The following AADAT variants were observed in gnomAD, a reference collection of about 807,000 sequenced individuals.
AADAT encodes kynurenine/alpha-aminoadipate aminotransferase, mitochondrial.
Under a neutral mutation model 56.2 loss-of-function variants are expected in AADAT, and 25 were observed. That is an observed-to-expected ratio of 0.44 (90% confidence interval 0.32 to 0.62). AADAT has a LOEUF of 0.62. Ranked by LOEUF, AADAT falls within the 20% of genes least tolerant of loss-of-function variation. The probability of loss-of-function intolerance (pLI) is 0.04; values close to 1 mark genes in which losing one functional copy is unlikely to be tolerated. For missense variants in AADAT, 387 were observed against 510.5 expected (o/e 0.76, Z 2.33); for synonymous variants, 173 against 164.7 (o/e 1.05, Z -0.39).
intron 4 of AADAT, among the ~76,000 whole-genome samples, chr4:170,078,170 T>G (rs1004168700): frequency 2.6e-5 from 4 of 152,170 alleles, no homozygotes; most frequent in African/African-American, 9.6e-5. Context: ...GGTAATAAGA[T>G]AGTAATAAAA....
intron 4 of AADAT, 152 bp downstream of exon 4, chr4:170,078,357 T>C (rs1732134933): frequency 4.3e-6 from 2 of 460,814 alleles, no homozygotes; most frequent in Non-Finnish European, 7.5e-6. Flanking sequence ...TGCTTATGGA[T>C]AAAATATGCT....
intron 3 of AADAT, among the ~76,000 whole-genome samples, chr4:170,083,133 T>C (rs767875680): frequency 2.6e-5 from 4 of 151,416 alleles, no homozygotes; most frequent in Non-Finnish European, 5.9e-5. Context: ...GAACAGACCA[T>C]ACCTTAGGCT....
At chr4:170,078,807 T>C (rs1405422646) in intron 3 of AADAT, among the ~76,000 whole-genome samples, 1 of 152,138 alleles carries the variant, frequency 6.6e-6, no homozygotes, top group African/African-American at 2.4e-5. Flanking sequence ...ATAGACAATA[T>C]ATAAATGAAT....
At chr4:170,070,015 T>C (rs1367358113) in intron 6 of AADAT, among the ~76,000 whole-genome samples, 1 of 152,142 alleles carries the variant, frequency 6.6e-6, no homozygotes, top group Non-Finnish European at 1.5e-5. Context: ...TCAATCTAAA[T>C]GCCCATTACT....
intron 4 of AADAT, among the ~76,000 whole-genome samples, chr4:170,075,626 G>C (rs574856131): frequency 3.9e-5 from 6 of 152,272 alleles, no homozygotes; most frequent in African/African-American, 1.4e-4. Flanking sequence ...ACTACTTTTA[G>C]GAGTACAATT....
upstream of AADAT, among the ~76,000 whole-genome samples, chr4:170,093,274 A>G (rs1285547004): frequency 6.6e-6 from 1 of 152,156 alleles, no homozygotes; most frequent in Non-Finnish European, 1.5e-5. Flanking sequence ...ACTAAAAAAT[A>G]CAAAAATTAG....
intron 3 of AADAT, among the ~76,000 whole-genome samples, chr4:170,086,907 C>T (rs150519095): frequency 6.6e-6 from 1 of 152,156 alleles, no homozygotes; most frequent in Non-Finnish European, 1.5e-5. Flanking sequence ...GTCAACACCC[C>T]CTACCCACCC....
chr4:170,085,090 A>G (rs1250249299), intron 3 of AADAT, among the ~76,000 whole-genome samples: 1 of 152,146 alleles, frequency 6.6e-6, no homozygotes, highest in Non-Finnish European at 1.5e-5. Flanking sequence ...TGACTTTCTA[A>G]TACCATTTTA....
intron 6 of AADAT, 55 bp downstream of exon 6, chr4:170,070,532 G>T: frequency 7.4e-7 from 1 of 1,350,078 alleles, no homozygotes; most frequent in Non-Finnish European, 1.1e-6. Flanking sequence ...ACACAGTGCA[G>T]TAACTTAAAA....
At chr4:170,069,121 C>T (rs377746015) in intron 7 of AADAT, 27 bp downstream of exon 7, 189 of 1,588,006 alleles carry the variant, frequency 1.2e-4, no homozygotes, top group Middle Eastern at 3.3e-4. Context: ...TTAGATCTAG[C>T]GTCAAGTTAG....
At chr4:170,085,811 C>T (rs1732532481) in intron 3 of AADAT, among the ~76,000 whole-genome samples, 1 of 151,892 alleles carries the variant, frequency 6.6e-6, no homozygotes, top group South Asian at 2.1e-4. Flanking sequence ...AATGTTTTTA[C>T]TACTGTAACC....
Position 170,089,905 on chromosome 4 carries a change from G to C in AADAT, c.-215C>G, listed in dbSNP as rs568837261. On this transcript the variant is annotated 5_prime_UTR_variant, in exon 1 of 13. Coordinates refer to ENST00000337664, the MANE Select transcript of AADAT (RefSeq NM_016228.4). ...TGCGTTCGGTCTCCCGGTCCTAAAC[G>C]GGTCTGGGGCTGTGTGGCGAGCCCG... 8.7e-6 allele frequency: 5 copies of C among 576,452 alleles called. No homozygotes were observed. The highest frequency in any genetic ancestry group is 5.7e-5 in the African/African-American group (3 of 52,966). The allele number at this position is 576,452 out of a possible 1,614,324, so 35.7% of individuals were successfully genotyped here.
At position 170,067,348 on chromosome 4, in the gene AADAT, CCTT is replaced by C; in HGVS notation, c.938_940del (p.Glu313del). On this transcript the variant is annotated inframe_deletion, in exon 9 of 13. Coordinates refer to ENST00000337664, the MANE Select transcript of AADAT (RefSeq NM_016228.4). ...ATACCTGTCTACATGAGCCATGAAA[CCTT>C]CTTCTCCCCATTCGTGTAGAAGCTG... 1 of 1,613,338 alleles carries C rather than the reference CCTT, an allele frequency of 6.2e-7. No individual in the cohort carries two copies. Among genetic ancestry groups the C allele is most frequent in the Non-Finnish European group, 8.5e-7 (1 of 1,179,568 alleles).
chr4:170,062,997 G>A (rs1003509932), intron 11 of AADAT, among the ~76,000 whole-genome samples: 1 of 152,196 alleles, frequency 6.6e-6, no homozygotes, highest in Non-Finnish European at 1.5e-5. Flanking sequence ...TTCTGTGGTG[G>A]TTAGGGTTGA....
At chr4:170,083,328 GA>G (rs1341085459) in intron 3 of AADAT, among the ~76,000 whole-genome samples, 1 of 152,028 alleles carries the variant, frequency 6.6e-6, no homozygotes, top group Non-Finnish European at 1.5e-5. Context: ...GTTTTACTGA[GA>G]TAAATGAAAA....
chr4:170,081,188 A>G (rs145680358), intron 3 of AADAT, among the ~76,000 whole-genome samples: 96 of 152,318 alleles, frequency 6.3e-4, no homozygotes, highest in Middle Eastern at 3.4e-3. Flanking sequence ...AACTCATTAG[A>G]GGCTCTCATC....
At position 170,064,730 on chromosome 4, in the gene AADAT, C is replaced by A. The variant is rs200099784; in HGVS notation, c.1123G>T (p.Val375Phe). Residue 375 changes from valine (V) to phenylalanine (F), a missense_variant, in exon 11 of 13, where the codon GTT (valine) becomes TTT (phenylalanine). Transcript: ENST00000337664. The part of the protein sequence containing the change: ...DVKELIEEKA[V>F]KMGVLMLPGN... ...CCTCCCAGTTTTACCCCCATCTTAA[C>A]GGCCTTTTCTTCAATCAGTTCTTTT... 1.2e-6 allele frequency: 2 copies of A among 1,604,884 alleles called. No individual in the cohort carries two copies. The highest frequency in any genetic ancestry group is 3.5e-5 in the Admixed American group (2 of 57,136).
chr4:170,085,970 G>A (rs1170463435), intron 3 of AADAT, among the ~76,000 whole-genome samples: 1 of 152,126 alleles, frequency 6.6e-6, no homozygotes, highest in Non-Finnish European at 1.5e-5. Context: ...TGAATATAGA[G>A]AATCTTATTA....
At chr4:170,073,792 C>T (rs1363279456) in intron 4 of AADAT, among the ~76,000 whole-genome samples, 2 of 152,178 alleles carry the variant, frequency 1.3e-5, no homozygotes, top group Admixed American at 1.3e-4. Flanking sequence ...AGCTGCCACG[C>T]CCCTGGGGCA....
Sources: gnomAD v4.1 joint callset for allele counts (sites outside exome capture counted in the v4.1 genomes callset) on GRCh38, gnomAD v4.1.1 for gene constraint, MANE v1.5 for transcripts, NCBI Gene and HGNC (gene_info 2026-07-23, HGNC 2026-07-21) for gene names.